PRELID2: variants seen among roughly 807,000 people sequenced by gnomAD.
PRELID2 encodes the protein PRELI domain-containing protein 2.
Under a neutral mutation model 28.4 loss-of-function variants are expected in PRELID2, and 25 were observed. The observed-to-expected ratio is 0.88, with a 90% CI of 0.64 to 1.23. PRELID2 has a LOEUF of 1.23. Among genes scored for constraint, PRELID2 ranks in the 50% most tolerant of loss-of-function variants. The probability of loss-of-function intolerance (pLI) is 0.00; values close to 1 mark genes in which losing one functional copy is unlikely to be tolerated. For missense variants in PRELID2, 201 were observed against 214.4 expected (o/e 0.94, Z 0.39); for synonymous variants, 76 against 71.6 (o/e 1.06, Z -0.31).
the PRELID2 span, among the ~76,000 whole-genome samples, chr5:145,361,281 A>G: frequency 6.6e-6 from 1 of 152,300 alleles, no homozygotes; most frequent in East Asian, 1.9e-4. Context: ...CCTTAGCTCA[A>G]AATCACATAT....
chr5:145,831,974 T>A (rs181549902), intron 1 of PRELID2, among the ~76,000 whole-genome samples: 143 of 152,254 alleles, frequency 9.4e-4, no homozygotes, highest in South Asian at 3.3e-3. Context: ...ATTGTGAAAA[T>A]TAAAAGCCTG....
the PRELID2 span, among the ~76,000 whole-genome samples, chr5:145,253,033 AAGAG>A: frequency 6.6e-6 from 1 of 152,142 alleles, no homozygotes; most frequent in East Asian, 1.9e-4. Context: ...AAGCAACAGA[AAGAG>A]AGAAAAATGA....
chr5:145,303,793 T>C, the PRELID2 span, among the ~76,000 whole-genome samples: 2 of 152,196 alleles, frequency 1.3e-5, no homozygotes, highest in Non-Finnish European at 2.9e-5. Context: ...ATCCTCCATT[T>C]CATGATGGTG....
the PRELID2 span, among the ~76,000 whole-genome samples, chr5:145,329,088 A>G: frequency 6.6e-6 from 1 of 152,012 alleles, no homozygotes; most frequent in Non-Finnish European, 1.5e-5. Flanking sequence ...ATGGTGGTAG[A>G]TGTGTGGCAT....
chr5:145,639,027 G>T (rs769516427), intron 1 of PRELID2, among the ~76,000 whole-genome samples: 1 of 152,194 alleles, frequency 6.6e-6, no homozygotes, highest in African/African-American at 2.4e-5. Context: ...GGACCTAAGA[G>T]TATATTCTTC....
intron 1 of PRELID2, among the ~76,000 whole-genome samples, chr5:145,517,809 C>A (rs1220175106): frequency 6.6e-6 from 1 of 152,008 alleles, no homozygotes; most frequent in East Asian, 1.9e-4. Flanking sequence ...TACTATGCAG[C>A]CATAAAAAAG....
the PRELID2 span, among the ~76,000 whole-genome samples, chr5:145,359,618 C>T: frequency 3.3e-5 from 5 of 152,162 alleles, no homozygotes; most frequent in Non-Finnish European, 5.9e-5. Flanking sequence ...CCTCTACTAT[C>T]GAAAGCCACT....
intron 1 of PRELID2, among the ~76,000 whole-genome samples, chr5:145,638,375 G>A (rs2149662426): frequency 6.6e-6 from 1 of 151,974 alleles, no homozygotes; most frequent in Non-Finnish European, 1.5e-5. Context: ...CTGACAACAT[G>A]GCCTCCTCAC....
intron 5 of PRELID2, among the ~76,000 whole-genome samples, chr5:145,770,202 T>C (rs1273683865): frequency 2.6e-5 from 4 of 152,160 alleles, no homozygotes; most frequent in African/African-American, 9.7e-5. Context: ...ATGTTGTACT[T>C]TTTATCATTT....
At chr5:145,366,780 T>C in the PRELID2 span, among the ~76,000 whole-genome samples, 6 of 151,954 alleles carry the variant, frequency 3.9e-5, no homozygotes, top group East Asian at 1.9e-4. Context: ...CAAAAACAAG[T>C]GGATGACACA....
chr5:145,601,947 T>C (rs927102354), intron 1 of PRELID2, among the ~76,000 whole-genome samples: 2 of 152,176 alleles, frequency 1.3e-5, no homozygotes, highest in African/African-American at 2.4e-5. Flanking sequence ...GCAGAGTACG[T>C]GACTAAAATC....
chr5:145,315,545 G>GGTGTGTGTGTGTGTGT, the PRELID2 span, among the ~76,000 whole-genome samples: 13 of 143,000 alleles, frequency 9.1e-5, no homozygotes, highest in African/African-American at 3.1e-4. Flanking sequence ...GCTCTTTCAG[G>GGTGTGTGTGTGTGTGT]GTGTGTGTGT....
At chr5:145,282,249 C>A in the PRELID2 span, among the ~76,000 whole-genome samples, 11 of 152,144 alleles carry the variant, frequency 7.2e-5, no homozygotes, top group African/African-American at 2.7e-4. Context: ...AGCACCATAC[C>A]AAGTATAGAG....
At chr5:145,507,471 T>C (rs1446579620) in intron 1 of PRELID2, among the ~76,000 whole-genome samples, 1 of 152,122 alleles carries the variant, frequency 6.6e-6, no homozygotes, top group Non-Finnish European at 1.5e-5. Context: ...GTGGAGCCAA[T>C]GTAGAGTCTC....
At chr5:145,590,610 C>T (rs1221119477) in intron 1 of PRELID2, among the ~76,000 whole-genome samples, 1 of 152,134 alleles carries the variant, frequency 6.6e-6, no homozygotes, top group African/African-American at 2.4e-5. Flanking sequence ...TCAATTTATA[C>T]TTGTATTAGT....
At chr5:145,436,240 T>G in the PRELID2 span, among the ~76,000 whole-genome samples, 1 of 152,246 alleles carries the variant, frequency 6.6e-6, no homozygotes, top group Admixed American at 6.5e-5. Flanking sequence ...CCAGCTCCAT[T>G]CAGGTTGCTG....
the PRELID2 span, among the ~76,000 whole-genome samples, chr5:145,265,794 T>C: frequency 6.6e-6 from 1 of 152,104 alleles, no homozygotes; most frequent in African/African-American, 2.4e-5. Context: ...ATCTCTCACA[T>C]TATACAAAAA....
intron 1 of PRELID2, among the ~76,000 whole-genome samples, chr5:145,560,057 C>A (rs1433999874): frequency 2.0e-5 from 3 of 152,110 alleles, no homozygotes; most frequent in Non-Finnish European, 4.4e-5. Flanking sequence ...TACAGTTAGG[C>A]AAATCATCTA....
intron 1 of PRELID2, among the ~76,000 whole-genome samples, chr5:145,700,882 T>C (rs1280962739): frequency 6.6e-6 from 1 of 152,088 alleles, no homozygotes; most frequent in Non-Finnish European, 1.5e-5. Flanking sequence ...AGCCCCTCCA[T>C]GGCCATACGG....
Sources: allele counts gnomAD v4.1 joint callset (sites outside exome capture counted in the v4.1 genomes callset), GRCh38; gene constraint gnomAD v4.1.1; transcripts MANE v1.5; gene names NCBI Gene and HGNC (gene_info 2026-07-23, HGNC 2026-07-21).